The following ASAP1 variants were observed in gnomAD, a reference collection of about 807,000 sequenced individuals.
ASAP1 encodes the protein ArfGAP with SH3 domain, ankyrin repeat and PH domain 1.
In ASAP1, 43 loss-of-function variants were observed where a neutral mutation model predicts 145.2. The observed-to-expected ratio is 0.30, with a 90% confidence interval of 0.23 to 0.38. The LOEUF (loss-of-function observed/expected upper bound fraction) is 0.38, where lower values mean the gene tolerates loss of function less well. Among genes scored for constraint, ASAP1 ranks in the 10% least tolerant of loss-of-function variants. The probability of loss-of-function intolerance (pLI) is 1.00; values close to 1 mark genes in which losing one functional copy is unlikely to be tolerated. For missense variants in ASAP1, 1,018 were observed against 1,355.3 expected (o/e 0.75, Z 3.91); for synonymous variants, 546 against 515.5 (o/e 1.06, Z -0.80).
intron 26 of ASAP1, among the ~76,000 whole-genome samples, chr8:130,077,573 G>A (rs370064066): frequency 5.5e-4 from 60 of 109,524 alleles, no homozygotes; most frequent in African/African-American, 2.0e-3. Flanking sequence ...TTGAGACACA[G>A]TCTTGCTCTG....
At chr8:130,100,554 C>T (rs1159951145) in intron 24 of ASAP1, among the ~76,000 whole-genome samples, 2 of 152,068 alleles carry the variant, frequency 1.3e-5, no homozygotes, top group Admixed American at 1.3e-4. Context: ...GTCTCGAAGC[C>T]CTGACCTCAG....
chr8:130,211,442 G>A (rs1331060797), intron 5 of ASAP1, among the ~76,000 whole-genome samples: 6 of 152,206 alleles, frequency 3.9e-5, no homozygotes, highest in African/African-American at 7.2e-5. Context: ...AAAAAAACCC[G>A]AAGCATCTCA....
chr8:130,148,034 C>T (rs2097636688), intron 13 of ASAP1, among the ~76,000 whole-genome samples: 2 of 152,192 alleles, frequency 1.3e-5, no homozygotes, highest in African/African-American at 4.8e-5. Context: ...TCTTAGAACA[C>T]TTGCATTATC....
intron 7 of ASAP1, among the ~76,000 whole-genome samples, chr8:130,187,028 A>G (rs1814779642): frequency 6.6e-6 from 1 of 152,238 alleles, no homozygotes; most frequent in Non-Finnish European, 1.5e-5. Context: ...TCAGACAAAT[A>G]GCACAGGACA....
At chr8:130,102,155 C>A (rs2097529874) in intron 24 of ASAP1, among the ~76,000 whole-genome samples, 1 of 152,164 alleles carries the variant, frequency 6.6e-6, no homozygotes, top group African/African-American at 2.4e-5. Context: ...GTGGTCAAAG[C>A]AGGCATCCTT....
chr8:130,287,307 T>C lies in ASAP1; in HGVS notation c.187-50313A>G, dbSNP rs566736304. On this transcript the variant is annotated intron_variant, in intron 3 of 29. Coordinates refer to ENST00000518721, the MANE Select transcript of ASAP1 (RefSeq NM_018482.4). ...ATGGATGTTGGGGGATAATAAAAGA[T>C]AAGATAGGGTAGGTAAGGTTACTTC... 2.0e-5 allele frequency among the ~76,000 whole-genome samples: 3 copies of C among 152,222 alleles called. No homozygotes were observed. The South Asian group carries it at 6.2e-4, about 32-fold the overall frequency.
chr8:130,374,805 GCTT>G (rs1207859817), intron 2 of ASAP1, among the ~76,000 whole-genome samples: 1 of 152,184 alleles, frequency 6.6e-6, no homozygotes, highest in Non-Finnish European at 1.5e-5. Context: ...AGTGCATCCA[GCTT>G]CTTTTCACAC....
intron 1 of ASAP1, among the ~76,000 whole-genome samples, chr8:130,427,566 C>T (rs1359705802): frequency 9.2e-5 from 14 of 152,012 alleles, no homozygotes; most frequent in South Asian, 2.1e-4. Flanking sequence ...GTATTGGCAG[C>T]GCAAGTGGAA....
chr8:130,395,824 G>C (rs375630517), intron 2 of ASAP1, among the ~76,000 whole-genome samples: 1 of 151,992 alleles, frequency 6.6e-6, no homozygotes. Context: ...CCGCCACTAC[G>C]CCCAGCTAAT....
chr8:130,187,288 TAGAAACG>T lies in ASAP1; in HGVS notation c.481-10_481-4del. 1 of 1,608,112 alleles carries T rather than the reference TAGAAACG, an allele frequency of 6.2e-7. No individual in the cohort carries two copies. The highest frequency in any genetic ancestry group is 8.5e-7 in the Non-Finnish European group (1 of 1,177,790). On this transcript the variant is annotated splice_polypyrimidine_tract_variant and splice_region_variant and intron_variant, in intron 6 of 29. Coordinates refer to ENST00000518721, the MANE Select transcript of ASAP1 (RefSeq NM_018482.4). ...TTGTCAAATGGCTTCTTGAGATCCT[TAGAAACG>T]AGAAAATGAGATTAAAATTGCAACT...
chr8:130,343,307 AC>A (rs1825505018), intron 3 of ASAP1, among the ~76,000 whole-genome samples: 1 of 151,974 alleles, frequency 6.6e-6, no homozygotes, highest in African/African-American at 2.4e-5. Context: ...GCTACTCACC[AC>A]CCCCTAACAC....
chr8:130,163,093 C>T (rs1305372680), intron 11 of ASAP1: 1 of 168,012 alleles, frequency 6.0e-6, no homozygotes, highest in Non-Finnish European at 1.3e-5. Flanking sequence ...AAGCCTTTCA[C>T]GCCTTTCCTC....
At chr8:130,166,211 GT>G (rs1216723558) in intron 11 of ASAP1, among the ~76,000 whole-genome samples, 3 of 152,058 alleles carry the variant, frequency 2.0e-5, no homozygotes, top group African/African-American at 7.2e-5. Flanking sequence ...CTCTTACTTT[GT>G]TGCCTAGGCT....
At position 130,311,775 on chromosome 8, in the gene ASAP1, A is replaced by AAAAAAAAAAAAAC. The variant is rs796803091; in HGVS notation, c.186+46241_186+46242insGTTTTTTTTTTTT. 5.2e-4 allele frequency among the ~76,000 whole-genome samples: 77 copies of AAAAAAAAAAAAAC among 148,668 alleles called. No homozygotes were observed. The East Asian group carries it at 6.3e-3, about 12-fold the overall frequency. On this transcript the variant is annotated intron_variant, in intron 3 of 29. Transcript: ENST00000518721. ...AAACTCCGTCTCAAAAAAAAAAAAA[A>AAAAAAAAAAAAAC]GGCAAAATAAGTGATATAGGTTACT...
intron 3 of ASAP1, among the ~76,000 whole-genome samples, chr8:130,292,833 C>T (rs1056894833): frequency 6.6e-6 from 1 of 152,178 alleles, no homozygotes; most frequent in African/African-American, 2.4e-5. Flanking sequence ...CCTCTCTGTG[C>T]TTCAGTTTTA....
chr8:130,179,465 C>T (rs1226074718), intron 8 of ASAP1, 116 bp from the exon 9 acceptor site: 1 of 618,626 alleles, frequency 1.6e-6, no homozygotes, highest in Non-Finnish European at 2.9e-6. Context: ...GCCTTGGTGT[C>T]CTTTAGACAG....
chr8:130,301,814 G>GT (rs1208619245), intron 3 of ASAP1, among the ~76,000 whole-genome samples: 7 of 152,216 alleles, frequency 4.6e-5, no homozygotes, highest in African/African-American at 1.7e-4. Context: ...GTTGTTGAGA[G>GT]TATCTATTCG....
At chr8:130,061,392 C>T (rs1276270588) in intron 27 of ASAP1, among the ~76,000 whole-genome samples, 1 of 152,078 alleles carries the variant, frequency 6.6e-6, no homozygotes, top group Non-Finnish European at 1.5e-5. Flanking sequence ...TAAATGTAGC[C>T]ATTTAAAATT....
intron 13 of ASAP1, among the ~76,000 whole-genome samples, chr8:130,141,975 C>G (rs570847790): frequency 2.6e-5 from 4 of 152,298 alleles, no homozygotes; most frequent in African/African-American, 9.6e-5. Context: ...GCCTCAGCCT[C>G]TCAAAGTGCT....
Sources: gnomAD v4.1 joint callset for allele counts (sites outside exome capture counted in the v4.1 genomes callset) on GRCh38, gnomAD v4.1.1 for gene constraint, MANE v1.5 for transcripts, NCBI Gene and HGNC (gene_info 2026-07-23, HGNC 2026-07-21) for gene names.